Variants in SIN3B observed in about 807,000 individuals in gnomAD.
SIN3B encodes paired amphipathic helix protein Sin3b.
In SIN3B, 19 loss-of-function variants were observed where a neutral mutation model predicts 120.2. The observed-to-expected ratio is 0.16, with a 90% CI of 0.11 to 0.23. The LOEUF is 0.23. Among genes scored for constraint, SIN3B ranks in the 10% least tolerant of loss-of-function variants. The probability of loss-of-function intolerance (pLI) is 1.00; values close to 1 mark genes in which losing one functional copy is unlikely to be tolerated. For synonymous variants in SIN3B, 654 were observed against 653.2 expected (o/e 1.00, Z -0.02); for missense variants, 1,073 against 1,573.0 (o/e 0.68, Z 5.38).
intron 7 of SIN3B, 42 bp from the exon 8 acceptor site, chr19:16,854,101 G>C (rs1322220718): frequency 6.7e-7 from 1 of 1,485,738 alleles, no homozygotes; most frequent in Admixed American, 1.8e-5. Context: ...CAGAGGCTGA[G>C]GAGCAGGGGT....
intron 6 of SIN3B, among the ~76,000 whole-genome samples, chr19:16,852,840 C>T (rs964647773): frequency 2.0e-5 from 3 of 152,198 alleles, no homozygotes; most frequent in African/African-American, 7.2e-5. Flanking sequence ...ACCCAAAGCC[C>T]TACCCTGCTG....
chr19:16,830,118 TG>T (rs1971260932), intron 2 of SIN3B, among the ~76,000 whole-genome samples: 1 of 152,170 alleles, frequency 6.6e-6, no homozygotes, highest in Admixed American at 6.6e-5. Context: ...GACAGGGATC[TG>T]GGGGGAGGCA....
chr19:16,833,724 T>G (rs2144573095), intron 3 of SIN3B, among the ~76,000 whole-genome samples: 1 of 151,036 alleles, frequency 6.6e-6, no homozygotes, highest in East Asian at 2.0e-4. Flanking sequence ...GTCTCAGGGT[T>G]TTTTTTTTGC....
At chr19:16,863,335 GAT>G (rs1238262309) in intron 9 of SIN3B, 1 of 472,038 alleles carries the variant, frequency 2.1e-6, no homozygotes, top group South Asian at 2.6e-5. Context: ...GTGTAACAAT[GAT>G]CTACACAGCA....
At position 16,838,058 on chromosome 19, in the gene SIN3B, C is replaced by T. The variant is rs145928105; in HGVS notation, c.382-3710C>T. 7.8e-3 allele frequency among the ~76,000 whole-genome samples: 1,181 copies of T among 151,802 alleles called. 10 individuals carry two copies. Among genetic ancestry groups the T allele is most frequent in the African/African-American group, 0.019 (787 of 41,364 alleles). On this transcript the variant is annotated intron_variant, in intron 3 of 18. Transcript: ENST00000248054. ...CAGGGCACGGGGAGAGAGGAGGTGCCGGAAGAAAAAGAAAACTGGGCTTGT... is the reference window on the plus strand; with the variant it reads ...CAGGGCACGGGGAGAGAGGAGGTGCTGGAAGAAAAAGAAAACTGGGCTTGT...
rs1282547492 is a variant in SIN3B, at chr19:16,878,946, G to T, written c.*219G>T. The T allele has an allele frequency of 1.8e-6, 1 of 567,272 alleles. No homozygotes were observed. Among genetic ancestry groups the T allele is most frequent in the Non-Finnish European group, 3.1e-6 (1 of 321,940 alleles). 35.1% of individuals were successfully genotyped at this position (567,272 alleles called of 1,614,324 possible). A position where few individuals can be genotyped will look rare whatever the true frequency, so the allele number is the denominator to read the frequency against. ...GAGCTACCTGCACCCGAGCCCTGGG[G>T]CTCAGCCCCACCACAGGGGCGGGTG... On this transcript the variant is annotated 3_prime_UTR_variant, in exon 19 of 19. Transcript: ENST00000248054.
rs1971702470 is a variant in SIN3B at position 16,862,478 on chromosome 19, G to A, written c.1185G>A (p.Lys395=). The A allele has an allele frequency of 6.2e-7, 1 of 1,614,206 alleles. No individual in the cohort carries two copies. Among genetic ancestry groups the A allele is most frequent in the East Asian group, 2.2e-5 (1 of 44,886 alleles). The stretch of plus-strand genomic sequence containing the variant: ...GGGAAATTGATTATGCATCCTGCAA[G>A]CGCATAGGATCCAGCTACCGGGCAC... ...ISREIDYASC[K]RIGSSYRALP... The change falls in exon 9 of 19, where the codon AAG becomes AAA. Residue 395 remains lysine, a synonymous_variant. Coordinates refer to ENST00000248054, the MANE Select transcript of SIN3B (RefSeq NM_001297595.2). The surrounding 1 kb of genome is among the most constrained non-coding windows in gnomAD (Gnocchi z 4.7).
At chr19:16,856,460 A>C (rs1349857345) in intron 8 of SIN3B, among the ~76,000 whole-genome samples, 2 of 152,224 alleles carry the variant, frequency 1.3e-5, no homozygotes, top group African/African-American at 4.8e-5. Flanking sequence ...CAAATACAAT[A>C]GAATCTCACA....
intron 3 of SIN3B, 43 bp from the exon 4 acceptor site, chr19:16,841,725 T>C: frequency 3.8e-6 from 6 of 1,576,222 alleles, no homozygotes; most frequent in Non-Finnish European, 5.2e-6. Flanking sequence ...CACAATCTGT[T>C]TCCAGTGTCG....
In SIN3B at chr19:16,876,596, G is replaced by C; in HGVS notation, c.2859+18G>C. ...AGGTCCAGGTGAGGCCCTGGCCCCA[G>C]TCTGTGCCACGCATACCAGGGAGCG... is the stretch of plus-strand genomic sequence containing the variant. On this transcript the variant is annotated intron_variant, in intron 16 of 18. Coordinates refer to ENST00000248054, the MANE Select transcript of SIN3B (RefSeq NM_001297595.2). The surrounding 1 kb of genome is among the most constrained non-coding windows in gnomAD (Gnocchi z 7.1). 11 of 1,602,662 alleles carry C rather than the reference G, an allele frequency of 6.9e-6. No homozygotes were observed. The highest frequency in any genetic ancestry group is 9.4e-6 in the Non-Finnish European group (11 of 1,170,978).
rs927905640 is a variant in SIN3B at position 16,829,410 on chromosome 19, C to G, written c.-11C>G. The G allele has an allele frequency of 9.2e-6, 11 of 1,201,596 alleles. No individual in the cohort carries two copies. The highest frequency in any genetic ancestry group is 4.7e-5 in the African/African-American group (3 of 63,162). The allele number at this position is 1,201,596 out of a possible 1,614,324, so 74.4% of individuals were successfully genotyped here. A position where few individuals can be genotyped will look rare whatever the true frequency, so the allele number is the denominator to read the frequency against. ...GCGGGGGCGGGGCGGGGCGCAGCTC[C>G]GACTTCGGACATGGCGCACGCTGGC... On this transcript the variant is annotated 5_prime_UTR_variant, in exon 1 of 19. Transcript: ENST00000248054.
intron 8 of SIN3B, among the ~76,000 whole-genome samples, chr19:16,857,690 G>A (rs1971635407): frequency 6.6e-6 from 1 of 152,054 alleles, no homozygotes; most frequent in Non-Finnish European, 1.5e-5. Context: ...GACTCCAGGA[G>A]CACCCCCGCA....
At chr19:16,877,287 C>T in intron 16 of SIN3B, 1 of 504,272 alleles carries the variant, frequency 2.0e-6, no homozygotes, top group Non-Finnish European at 3.6e-6. Context: ...CCTTCCTGCT[C>T]TTCCAGCTTC....
At position 16,879,090 on chromosome 19, in the gene SIN3B, G is replaced by A. The variant is rs2051656993; in HGVS notation, c.*363G>A. Reference sequence around the variant, plus strand: ...CTTGCCGTGTCTTGGAAAAGTCACAGGTGACAGCCCTCCTGAGGCCCACAC... The same window carrying A: ...CTTGCCGTGTCTTGGAAAAGTCACAAGTGACAGCCCTCCTGAGGCCCACAC... On this transcript the variant is annotated 3_prime_UTR_variant, in exon 19 of 19. Coordinates refer to ENST00000248054, the MANE Select transcript of SIN3B (RefSeq NM_001297595.2). 3.3e-6 allele frequency: 1 copy of A among 299,870 alleles called. No homozygotes were observed. Among genetic ancestry groups the A allele is most frequent in the Non-Finnish European group, 6.2e-6 (1 of 161,088 alleles). 18.6% of individuals were successfully genotyped at this position (299,870 alleles called of 1,614,324 possible).
intron 5 of SIN3B, among the ~76,000 whole-genome samples, chr19:16,848,479 G>C (rs1401079196): frequency 6.9e-6 from 1 of 145,400 alleles, no homozygotes; most frequent in East Asian, 2.0e-4. Context: ...AGTGTGTGAA[G>C]TTTTATTGCA....
chr19:16,829,931 C>T (rs1164488561), intron 2 of SIN3B, 34 bp downstream of exon 2: 1 of 1,491,064 alleles, frequency 6.7e-7, no homozygotes, highest in Non-Finnish European at 9.4e-7. Flanking sequence ...CTCAGGGGAC[C>T]CCCCTGGGCC....
intron 3 of SIN3B, among the ~76,000 whole-genome samples, chr19:16,839,499 G>GTGCA (rs570317811): frequency 2.2e-4 from 33 of 152,292 alleles, no homozygotes; most frequent in Middle Eastern, 3.4e-3. Context: ...GGATCAGAGG[G>GTGCA]TGCATGCGGA....
Position 16,876,097 on chromosome 19 carries a change from G to A in SIN3B, c.2635G>A (p.Glu879Lys), listed in dbSNP as rs2051601702. 3 of 1,590,460 alleles carry A rather than the reference G, an allele frequency of 1.9e-6. No individual in the cohort carries two copies. The highest frequency in any genetic ancestry group is 1.7e-6 in the Non-Finnish European group (2 of 1,169,758). Residue 879 changes from glutamate (E) to lysine (K), a missense_variant, in exon 15 of 19, where the codon GAG becomes AAG. Glu to Lys is a moderately conservative substitution (Grantham distance 56, BLOSUM62 1). Coordinates refer to ENST00000248054, the MANE Select transcript of SIN3B (RefSeq NM_001297595.2). The surrounding 1 kb of genome is among the most constrained non-coding windows in gnomAD (Gnocchi z 7.1). ...VSDDVCLKVV[E>K]LYLNEKKRGA... is the part of the protein sequence containing the mutation. The stretch of plus-strand genomic sequence containing the variant: ...CGATGACGTCTGCCTGAAGGTGGTG[G>A]AGCTCTACCTGAACGAGAAGAAGCG...
At chr19:16,836,985 A>G (rs1599588926) in intron 3 of SIN3B, among the ~76,000 whole-genome samples, 1 of 152,062 alleles carries the variant, frequency 6.6e-6, no homozygotes, top group East Asian at 1.9e-4. Context: ...GTTCCTGCAC[A>G]GTCAAGGTGG....
Sources: gnomAD v4.1 joint callset for allele counts (sites outside exome capture counted in the v4.1 genomes callset) on GRCh38, gnomAD v4.1.1 for gene constraint, Gnocchi (gnomAD v3.1) non-coding constraint, MANE v1.5 for transcripts, NCBI Gene and HGNC (gene_info 2026-07-23, HGNC 2026-07-21) for gene names.